DIAPH2: variants seen among roughly 807,000 people sequenced by gnomAD.
DIAPH2 encodes protein diaphanous homolog 2.
Under a neutral mutation model 92.7 loss-of-function variants are expected in DIAPH2, and 35 were observed. The observed-to-expected ratio is 0.38, with a 90% CI of 0.29 to 0.50. The LOEUF (loss-of-function observed/expected upper bound fraction) is 0.50, where lower values mean the gene tolerates loss of function less well. Among genes scored for constraint, DIAPH2 ranks in the 20% least tolerant of loss-of-function variants. The probability of loss-of-function intolerance (pLI) is 0.94; values close to 1 mark genes in which losing one functional copy is unlikely to be tolerated. For synonymous variants in DIAPH2, 301 were observed against 280.4 expected, an observed-to-expected ratio of 1.07 and a Z score of -0.73; for missense variants, 701 against 819.5, an observed-to-expected ratio of 0.86 and a Z score of 1.77.
At chrX:97,094,144 A>G (rs952754222) in intron 19 of DIAPH2, among the ~76,000 whole-genome samples, 1 of 111,377 alleles carries the variant, frequency 9.0e-6, no homozygotes. Flanking sequence ...AGTTTGAGTT[A>G]ATGATGGGAC....
At chrX:97,323,365 G>A (rs1378691590) in intron 23 of DIAPH2, among the ~76,000 whole-genome samples, 1 of 103,359 alleles carries the variant, frequency 9.7e-6, no homozygotes, top group African/African-American at 3.5e-5. Context: ...GCCGAGGCGG[G>A]CGGATCACGA....
At chrX:97,593,223 A>C (rs999637758) in intron 26 of DIAPH2, among the ~76,000 whole-genome samples, 2 of 111,682 alleles carry the variant, frequency 1.8e-5, no homozygotes, top group African/African-American at 6.5e-5. Context: ...CATGAGGCTG[A>C]AATAATGAAA....
intron 9 of DIAPH2, among the ~76,000 whole-genome samples, chrX:96,924,340 C>A (rs1299927316): frequency 9.0e-6 from 1 of 111,546 alleles, no homozygotes; most frequent in Non-Finnish European, 1.9e-5. Flanking sequence ...ACAATGTAGT[C>A]ATTTTTGGTA....
At chrX:97,272,621 A>G (rs2068398885) in intron 23 of DIAPH2, among the ~76,000 whole-genome samples, 1 of 111,768 alleles carries the variant, frequency 8.9e-6, no homozygotes, top group African/African-American at 3.2e-5. Context: ...TTAACATTTC[A>G]TTAATAATCT....
intron 17 of DIAPH2, among the ~76,000 whole-genome samples, chrX:97,018,426 C>T (rs2147869379): frequency 8.9e-6 from 1 of 112,245 alleles, no homozygotes; most frequent in Admixed American, 9.4e-5. Context: ...AGAAGTACTG[C>T]ATTTGCTTTG....
At chrX:97,158,551 T>C (rs184494521) in intron 22 of DIAPH2, among the ~76,000 whole-genome samples, 144 of 112,608 alleles carry the variant, frequency 1.3e-3, no homozygotes, top group Admixed American at 5.7e-3. Context: ...TCACTGTTGC[T>C]TTTTATAGAG....
At chrX:96,944,152 T>C (rs1317271232) in intron 13 of DIAPH2, among the ~76,000 whole-genome samples, 1 of 111,908 alleles carries the variant, frequency 8.9e-6, no homozygotes, top group Non-Finnish European at 1.9e-5. Context: ...TCTTGTAATT[T>C]AACAATTCTT....
Position 97,307,309 on chromosome X carries a change from G to T in DIAPH2, c.2845-40807G>T, listed in dbSNP as rs138391956. Among the ~76,000 whole-genome samples the T allele has an allele frequency of 6.0e-3, 673 of 111,868 alleles. 3 individuals carry two copies. The highest frequency in any genetic ancestry group is 0.021 in the African/African-American group (634 of 30,822). On this transcript the variant is annotated intron_variant, in intron 23 of 26. Transcript: ENST00000324765. ...GCTTGAAGCATGCACCTGCCTTTCA[G>T]GTTTAATCCTTGTGTCTCATTTGGC...
rs144664335 is a variant in DIAPH2, at chrX:96,846,079, C to T, written c.448-35500C>T. Among the ~76,000 whole-genome samples the T allele has an allele frequency of 8.6e-3, 933 of 108,856 alleles. 8 individuals carry two copies. Among genetic ancestry groups the T allele is most frequent in the African/African-American group, 0.03 (896 of 29,784 alleles). 94.5% of individuals were successfully genotyped at this position (108,856 alleles called of 115,157 possible). ...CCTCCCAACCAAAGTGTTGGGATTA[C>T]AGGTGTGAGCAGCTGCCTCCGGCCG... On this transcript the variant is annotated intron_variant, in intron 4 of 26. Transcript: ENST00000324765.
intron 4 of DIAPH2, among the ~76,000 whole-genome samples, chrX:96,858,534 A>T: frequency 8.9e-6 from 1 of 111,899 alleles, no homozygotes; most frequent in East Asian, 2.8e-4. Context: ...TTTGGAGCAA[A>T]AATTCTTGCC....
intron 5 of DIAPH2, chrX:96,884,507 T>C (rs1466602605): frequency 8.3e-7 from 1 of 1,210,678 alleles, no homozygotes; most frequent in South Asian, 1.8e-5. Context: ...GTGTTCAAGG[T>C]TAGGGGAATT....
At chrX:97,357,804 T>C (rs1486285363) in intron 24 of DIAPH2, among the ~76,000 whole-genome samples, 2 of 111,947 alleles carry the variant, frequency 1.8e-5, no homozygotes, top group Non-Finnish European at 3.8e-5. Context: ...GGTAATGAAA[T>C]ATAATACATA....
chrX:97,193,012 C>CTTTTCTTTTTT (rs1256888466), intron 22 of DIAPH2, among the ~76,000 whole-genome samples: 17 of 86,562 alleles, frequency 2.0e-4, no homozygotes, highest in African/African-American at 8.1e-4. Flanking sequence ...TTTTTCTTTT[C>CTTTTCTTTTTT]TTTTTTTTTT....
chrX:96,833,104 T>A (rs993087079), intron 4 of DIAPH2, among the ~76,000 whole-genome samples: 7 of 111,366 alleles, frequency 6.3e-5, no homozygotes, highest in South Asian at 3.7e-4. Context: ...TTACTTTTTT[T>A]AAAATTCCTT....
intron 26 of DIAPH2, among the ~76,000 whole-genome samples, chrX:97,550,228 G>A (rs945115030): frequency 1.2e-4 from 13 of 111,371 alleles, no homozygotes; most frequent in South Asian, 3.8e-4. Flanking sequence ...GTGTGGTGGC[G>A]GGCGCCTGTA....
At chrX:97,522,869 T>A (rs925487114) in intron 26 of DIAPH2, among the ~76,000 whole-genome samples, 1 of 112,612 alleles carries the variant, frequency 8.9e-6, no homozygotes, top group African/African-American at 3.2e-5. Context: ...TAGTGGTCTG[T>A]CTGTTAAGCA....
At chrX:97,289,278 A>G (rs760072852) in intron 23 of DIAPH2, among the ~76,000 whole-genome samples, 28 of 112,257 alleles carry the variant, frequency 2.5e-4, no homozygotes, top group African/African-American at 7.7e-4. Context: ...TGTTTAATCC[A>G]TTCAGAAATT....
chrX:96,706,170 G>T (rs1423262339), intron 1 of DIAPH2, among the ~76,000 whole-genome samples: 1 of 112,338 alleles, frequency 8.9e-6, no homozygotes. Flanking sequence ...AATCCACTGT[G>T]TCTGAATAAG....
intron 26 of DIAPH2, among the ~76,000 whole-genome samples, chrX:97,586,832 A>ATCTT (rs1195001068): frequency 1.8e-5 from 2 of 111,946 alleles, no homozygotes; most frequent in African/African-American, 6.5e-5. Context: ...TCTTCTCATT[A>ATCTT]TCTTTGTATG....
Sources: allele counts gnomAD v4.1 joint callset (sites outside exome capture counted in the v4.1 genomes callset), GRCh38; gene constraint gnomAD v4.1.1; transcripts MANE v1.5; gene names NCBI Gene and HGNC (gene_info 2026-07-23, HGNC 2026-07-21).